CDK14: variants seen among roughly 807,000 people sequenced by gnomAD.
CDK14 encodes cyclin-dependent kinase 14.
Under a neutral mutation model 60.7 loss-of-function variants are expected in CDK14, and 34 were observed. The observed-to-expected ratio is 0.56, with a 90% CI of 0.43 to 0.75. The LOEUF (loss-of-function observed/expected upper bound fraction) is 0.75, where lower values mean the gene tolerates loss of function less well. Ranked by LOEUF, CDK14 falls within the 30% of genes least tolerant of loss-of-function variation. The pLI is 0.00. For missense variants in CDK14, 482 were observed against 564.1 expected, an observed-to-expected ratio of 0.85 and a Z score of 1.47; for synonymous variants, 197 against 203.7, an observed-to-expected ratio of 0.97 and a Z score of 0.28.
rs74913861 is a variant in CDK14, at chr7:90,872,225, T to C, written c.639+8956T>C. Reference sequence around the variant, plus strand: ...ATGGTACTAGAACATATTTGTGTTTTAGTGTAAACAATAGGAAAACTAGAT... The same window carrying C: ...ATGGTACTAGAACATATTTGTGTTTCAGTGTAAACAATAGGAAAACTAGAT... On this transcript the variant is annotated intron_variant, in intron 6 of 14. Transcript: ENST00000380050. 3.4e-3 allele frequency among the ~76,000 whole-genome samples: 517 copies of C among 152,344 alleles called. 4 individuals carry two copies. The highest frequency in any genetic ancestry group is 0.012 in the African/African-American group (484 of 41,578).
At chr7:90,983,488 G>T (rs568507968) in intron 9 of CDK14, among the ~76,000 whole-genome samples, 1 of 152,050 alleles carries the variant, frequency 6.6e-6, no homozygotes, top group Admixed American at 6.5e-5. Context: ...GACCATCCTG[G>T]CTAACACGGT....
At chr7:91,139,584 C>T (rs1050051198) in intron 14 of CDK14, among the ~76,000 whole-genome samples, 4 of 152,190 alleles carry the variant, frequency 2.6e-5, no homozygotes, top group African/African-American at 9.7e-5. Context: ...CTGTTTTACA[C>T]TTTATGTTTC....
chr7:90,643,945 C>T (rs561434535), intron 2 of CDK14, among the ~76,000 whole-genome samples: 4 of 151,818 alleles, frequency 2.6e-5, no homozygotes, highest in South Asian at 2.1e-4. Flanking sequence ...CTTCAAAATT[C>T]GTATATTGAA....
At chr7:91,170,131 C>T (rs577931464) in intron 14 of CDK14, among the ~76,000 whole-genome samples, 1 of 152,300 alleles carries the variant, frequency 6.6e-6, no homozygotes, top group African/African-American at 2.4e-5. Flanking sequence ...TCTGTGATGA[C>T]ACGAGCTGTT....
intron 14 of CDK14, among the ~76,000 whole-genome samples, chr7:91,201,853 CT>C (rs1166006425): frequency 6.6e-6 from 1 of 152,284 alleles, no homozygotes; most frequent in East Asian, 1.9e-4. Flanking sequence ...TTGCTTATGC[CT>C]CAAATCAGAA....
chr7:90,705,243 A>G (rs1406214535), intron 2 of CDK14, among the ~76,000 whole-genome samples: 1 of 151,218 alleles, frequency 6.6e-6, no homozygotes, highest in African/African-American at 2.4e-5. Flanking sequence ...TATATAAAGT[A>G]CTCTTTTCTT....
intron 4 of CDK14, among the ~76,000 whole-genome samples, chr7:90,786,831 A>C (rs757950635): frequency 6.6e-6 from 1 of 150,710 alleles, no homozygotes; most frequent in African/African-American, 2.4e-5. Flanking sequence ...AGGTAGGAGA[A>C]TCTCTTGAGC....
intron 2 of CDK14, chr7:90,709,934 C>G (rs1386086380): frequency 1.3e-5 from 15 of 1,137,766 alleles, no homozygotes; most frequent in Non-Finnish European, 1.5e-5. Flanking sequence ...GTGAATCAAG[C>G]CTGAGGGAGA....
chr7:91,059,223 T>C (rs2116102173), intron 11 of CDK14, among the ~76,000 whole-genome samples: 1 of 152,362 alleles, frequency 6.6e-6, no homozygotes, highest in African/African-American at 2.4e-5. Context: ...TGATGGTAGT[T>C]TGTATTTCTG....
intron 12 of CDK14, among the ~76,000 whole-genome samples, chr7:91,081,706 C>T (rs1465589204): frequency 1.2e-4 from 19 of 152,020 alleles, no homozygotes. Context: ...CTAAGTAACA[C>T]CTAGGCAATT....
chr7:91,040,373 A>G (rs140790743), intron 10 of CDK14, among the ~76,000 whole-genome samples: 1 of 152,304 alleles, frequency 6.6e-6, no homozygotes, highest in East Asian at 1.9e-4. Context: ...AGTTCTGCTG[A>G]GCCACTTCAC....
intron 12 of CDK14, among the ~76,000 whole-genome samples, chr7:91,093,503 C>T (rs1223452384): frequency 2.6e-5 from 4 of 152,010 alleles, no homozygotes; most frequent in Non-Finnish European, 4.4e-5. Flanking sequence ...ACAAAATCTT[C>T]TTAAAATTTG....
chr7:90,739,699 T>A (rs1803267673), intron 3 of CDK14, among the ~76,000 whole-genome samples: 1 of 152,238 alleles, frequency 6.6e-6, no homozygotes, highest in Non-Finnish European at 1.5e-5. Flanking sequence ...GCTGTGTTTT[T>A]CTTTAACTTA....
At chr7:90,794,322 G>A (rs533311348) in intron 5 of CDK14, among the ~76,000 whole-genome samples, 1 of 152,286 alleles carries the variant, frequency 6.6e-6, no homozygotes, top group Admixed American at 6.5e-5. Flanking sequence ...CTTATCAGGA[G>A]ACAGTGTCGG....
intron 2 of CDK14, among the ~76,000 whole-genome samples, chr7:90,725,648 T>C (rs1802610436): frequency 6.6e-6 from 1 of 152,184 alleles, no homozygotes; most frequent in African/African-American, 2.4e-5. Context: ...TTATTTAGAG[T>C]TATATTTTCT....
intron 2 of CDK14, among the ~76,000 whole-genome samples, chr7:90,669,233 C>A (rs1801051608): frequency 6.6e-6 from 1 of 152,150 alleles, no homozygotes; most frequent in South Asian, 2.1e-4. Context: ...CTATTACCAA[C>A]ATAATTACAT....
At chr7:90,807,879 A>G (rs10276542) in intron 5 of CDK14, among the ~76,000 whole-genome samples, 66,155 of 152,030 alleles carry the variant, frequency 0.44, 15,188 homozygotes, top group East Asian at 0.82. Flanking sequence ...TGGAAGATCA[A>G]ATGAATGAAA....
intron 2 of CDK14, among the ~76,000 whole-genome samples, chr7:90,626,466 C>T (rs1014264546): frequency 1.3e-5 from 2 of 152,178 alleles, no homozygotes; most frequent in Admixed American, 1.3e-4. Context: ...TTCATGTTTT[C>T]TGCAGTTATT....
chr7:90,785,435 T>C (rs1805535630), intron 4 of CDK14, among the ~76,000 whole-genome samples: 1 of 152,198 alleles, frequency 6.6e-6, no homozygotes, highest in African/African-American at 2.4e-5. Context: ...TACTTTGAGC[T>C]AAGTGGGGAG....
Sources: gnomAD v4.1 joint callset for allele counts (sites outside exome capture counted in the v4.1 genomes callset) on GRCh38, gnomAD v4.1.1 for gene constraint, MANE v1.5 for transcripts, NCBI Gene and HGNC (gene_info 2026-07-23, HGNC 2026-07-21) for gene names.